Variants in PAX7 observed in about 807,000 individuals in gnomAD.
PAX7 encodes the protein paired box 7, also known as paired box protein Pax-7.
In PAX7, 18 loss-of-function variants were observed where a neutral mutation model predicts 50.7. That is an observed-to-expected ratio of 0.36 (90% CI 0.25 to 0.53). The LOEUF is 0.53. Ranked by LOEUF, PAX7 falls within the 20% of genes least tolerant of loss-of-function variation. The pLI is 0.93. For missense variants in PAX7, 644 were observed against 702.9 expected (o/e 0.92, Z 0.95); for synonymous variants, 310 against 290.4 (o/e 1.07, Z -0.69).
At chr1:18,688,783 G>A (rs532720172) in intron 4 of PAX7, among the ~76,000 whole-genome samples, 1 of 152,296 alleles carries the variant, frequency 6.6e-6, no homozygotes, top group Admixed American at 6.5e-5. Context: ...CCATGGTGGT[G>A]TGTGCCTGTA....
Position 18,745,555 on chromosome 1 carries a change from A to ACTGGGTT in PAX7, c.*627_*628insTGGGTTC, listed in dbSNP as rs1398046853. On this transcript the variant is annotated 3_prime_UTR_variant, in exon 9 of 9. Coordinates refer to ENST00000420770, the MANE Select transcript of PAX7 (RefSeq NM_001135254.2). ...TGAAGGACTTCAGAACCCTCCCCAG[A>ACTGGGTT]CACCTCTACTGGGTGCATGGGGAAA... 4.3e-6 allele frequency: 1 copy of ACTGGGTT among 230,936 alleles called. No individual in the cohort carries two copies. The highest frequency in any genetic ancestry group is 8.6e-6 in the Non-Finnish European group (1 of 116,848). The allele number at this position is 230,936 out of a possible 1,614,324, so 14.3% of individuals were successfully genotyped here.
In PAX7 at chr1:18,745,723, C is replaced by T; in HGVS notation, c.*794C>T. On this transcript the variant is annotated 3_prime_UTR_variant, in exon 9 of 9. Coordinates refer to ENST00000420770, the MANE Select transcript of PAX7 (RefSeq NM_001135254.2). ...GCTTCTGGAAGCAGAGGGCTCTTAT[C>T]CTGAAGCCCAAGTTCCCAGCATGTC... is the stretch of plus-strand genomic sequence containing the variant. 4.3e-6 allele frequency: 1 copy of T among 231,598 alleles called. No homozygotes were observed. The highest frequency in any genetic ancestry group is 8.5e-6 in the Non-Finnish European group (1 of 116,960). The allele number at this position is 231,598 out of a possible 1,614,324, so 14.3% of individuals were successfully genotyped here. A position where few individuals can be genotyped will look rare whatever the true frequency, so the allele number is the denominator to read the frequency against.
chr1:18,720,170 G>A (rs78635529), intron 7 of PAX7, among the ~76,000 whole-genome samples: 2,878 of 152,318 alleles, frequency 0.019, 89 homozygotes, highest in African/African-American at 0.062. Flanking sequence ...GGCTCTGCGT[G>A]CCTGCGGATG....
At chr1:18,648,824 C>A (rs1212419007) in intron 4 of PAX7, among the ~76,000 whole-genome samples, 1 of 152,056 alleles carries the variant, frequency 6.6e-6, no homozygotes, top group Non-Finnish European at 1.5e-5. Flanking sequence ...GAGAATGTAC[C>A]GGAAGATGTG....
chr1:18,718,780 T>A (rs756750630), intron 7 of PAX7, among the ~76,000 whole-genome samples: 5 of 151,970 alleles, frequency 3.3e-5, no homozygotes, highest in Non-Finnish European at 7.4e-5. Flanking sequence ...GTAGCTGGGA[T>A]TACAGGCATG....
At chr1:18,657,169 G>A (rs981556875) in intron 4 of PAX7, among the ~76,000 whole-genome samples, 3 of 152,198 alleles carry the variant, frequency 2.0e-5, no homozygotes, top group Middle Eastern at 3.4e-3. Flanking sequence ...AGGGGGACAG[G>A]TTGAGATCCC....
intron 7 of PAX7, among the ~76,000 whole-genome samples, chr1:18,727,876 A>C (rs1413007001): frequency 1.3e-5 from 2 of 151,932 alleles, no homozygotes; most frequent in Non-Finnish European, 2.9e-5. Flanking sequence ...GCAGAGATGG[A>C]AACTGAAGTG....
intron 1 of PAX7, 75 bp downstream of exon 1, chr1:18,631,763 C>CA: frequency 7.9e-7 from 1 of 1,260,088 alleles, no homozygotes; most frequent in Non-Finnish European, 1.1e-6. Context: ...CTGCGGTCTC[C>CA]AGGGGACGGT....
chr1:18,748,223 G>C lies in PAX7; in HGVS notation c.*3294G>C, dbSNP rs889943529. The C allele has an allele frequency of 4.4e-6, 1 of 225,698 alleles. No individual in the cohort carries two copies. The highest frequency in any genetic ancestry group is 8.8e-6 in the Non-Finnish European group (1 of 113,324). The allele number at this position is 225,698 out of a possible 1,614,324, so 14.0% of individuals were successfully genotyped here. A position where few individuals can be genotyped will look rare whatever the true frequency, so the allele number is the denominator to read the frequency against. On this transcript the variant is annotated 3_prime_UTR_variant, in exon 9 of 9. Coordinates refer to ENST00000420770, the MANE Select transcript of PAX7 (RefSeq NM_001135254.2). ...GAGAACAGGACGGGTCCCAGAGTTT[G>C]ACCACTGCCAGAATCCAGTGTTTCA...
Position 18,632,356 on chromosome 1 carries a change from A to G in PAX7, c.85+668A>G, listed in dbSNP as rs901945437. ...AGGTTTAGAGAACCTCTAAACGGCGAGAGGGGCACGGCAATGTCCAAACGA... is the reference window on the plus strand; with the variant it reads ...AGGTTTAGAGAACCTCTAAACGGCGGGAGGGGCACGGCAATGTCCAAACGA... On this transcript the variant is annotated intron_variant, in intron 1 of 8. Coordinates refer to ENST00000420770, the MANE Select transcript of PAX7 (RefSeq NM_001135254.2). The surrounding 1 kb of genome is among the most constrained non-coding windows in gnomAD (Gnocchi z 6.3). Among the ~76,000 whole-genome samples, 17 of 152,194 alleles carry G rather than the reference A, an allele frequency of 1.1e-4. No homozygotes were observed. The highest frequency in any genetic ancestry group is 9.8e-4 in the Admixed American group (15 of 15,288).
At chr1:18,707,976 T>C (rs2100338727) in intron 7 of PAX7, among the ~76,000 whole-genome samples, 1 of 152,222 alleles carries the variant, frequency 6.6e-6, no homozygotes, top group East Asian at 1.9e-4. Context: ...CAAATGCTTT[T>C]CAGGAGGTTT....
chr1:18,732,195 T>C (rs1398364692), intron 7 of PAX7, among the ~76,000 whole-genome samples: 3 of 152,180 alleles, frequency 2.0e-5, no homozygotes, highest in Admixed American at 1.3e-4. Flanking sequence ...CATTTATCAG[T>C]ATCAGAAATT....
At chr1:18,641,514 G>T (rs2088253351) in intron 4 of PAX7, among the ~76,000 whole-genome samples, 1 of 152,242 alleles carries the variant, frequency 6.6e-6, no homozygotes, top group Non-Finnish European at 1.5e-5. Flanking sequence ...ACCGGGTGGG[G>T]TCCCCCGCTG....
intron 4 of PAX7, among the ~76,000 whole-genome samples, chr1:18,646,812 C>G (rs1242882305): frequency 1.3e-5 from 2 of 151,742 alleles, no homozygotes; most frequent in Non-Finnish European, 2.9e-5. Flanking sequence ...GGCCTCCCGG[C>G]CCCTCAGGAG....
In PAX7 at chr1:18,631,769, A is replaced by T. The variant is rs867554275; in HGVS notation, c.85+81A>T. 21 of 1,183,694 alleles carry T rather than the reference A, an allele frequency of 1.8e-5. No homozygotes were observed. In the African/African-American group the frequency reaches 3.0e-4, roughly 17 times the overall value. 73.3% of individuals were successfully genotyped at this position (1,183,694 alleles called of 1,614,324 possible). Reference sequence around the variant, plus strand: ...TTGGAGAGGCTGCGGTCTCCAGGGGACGGTGGCGGCGCCGGCGATAGCAGA... The same window carrying T: ...TTGGAGAGGCTGCGGTCTCCAGGGGTCGGTGGCGGCGCCGGCGATAGCAGA... On this transcript the variant is annotated intron_variant, in intron 1 of 8. Transcript: ENST00000420770.
chr1:18,699,005 A>T (rs551649464), intron 5 of PAX7, among the ~76,000 whole-genome samples: 1 of 151,786 alleles, frequency 6.6e-6, no homozygotes, highest in African/African-American at 2.4e-5. Context: ...GGCGGCCTTC[A>T]CCCCCCATCA....
chr1:18,701,392 G>A (rs1415307782), intron 6 of PAX7, among the ~76,000 whole-genome samples: 1 of 151,944 alleles, frequency 6.6e-6, no homozygotes, highest in Non-Finnish European at 1.5e-5. Flanking sequence ...GTGTGTGGGT[G>A]TGTGCATGAG....
rs763966269 is a variant in PAX7 at position 18,634,367 on chromosome 1, C to G, written c.150C>G (p.Pro50=). Residue 50 remains proline (P), a synonymous_variant, in exon 2 of 9, where the codon CCC becomes CCG. Coordinates refer to ENST00000420770, the MANE Select transcript of PAX7 (RefSeq NM_001135254.2). This position sits in a 1 kb window ranked among gnomAD's most constrained non-coding sequence, Gnocchi z 4.0. ...QLGGVFINGR[P]LPNHIRHKIV... is the part of the protein sequence containing the mutation. ...GAGGGGTCTTCATCAATGGGCGACCCCTGCCTAACCACATCCGCCACAAGA... is the reference window on the plus strand; with the variant it reads ...GAGGGGTCTTCATCAATGGGCGACCGCTGCCTAACCACATCCGCCACAAGA... The G allele has an allele frequency of 3.1e-6, 5 of 1,614,074 alleles. No homozygotes were observed. In the East Asian group the frequency reaches 6.7e-5, roughly 22 times the overall value.
chr1:18,689,670 GATGACCCTCCAGGCGC>G (rs2089038964), intron 4 of PAX7, among the ~76,000 whole-genome samples: 1 of 152,302 alleles, frequency 6.6e-6, no homozygotes, highest in Middle Eastern at 3.4e-3. Context: ...TGCCAAGATG[GATGACCCTCCAGGCGC>G]ATGACCTCTC....
Sources: gnomAD v4.1 joint callset for allele counts (sites outside exome capture counted in the v4.1 genomes callset) on GRCh38, gnomAD v4.1.1 for gene constraint, Gnocchi (gnomAD v3.1) non-coding constraint, MANE v1.5 for transcripts, NCBI Gene and HGNC (gene_info 2026-07-23, HGNC 2026-07-21) for gene names.